The following TMEM63A variants were observed in gnomAD, a reference collection of about 807,000 sequenced individuals.
TMEM63A encodes the protein transmembrane protein 63A, also known as mechanosensitive cation channel TMEM63A.
Under a neutral mutation model 100.6 loss-of-function variants are expected in TMEM63A, and 76 were observed. The observed-to-expected ratio is 0.76, with a 90% CI of 0.63 to 0.91. The LOEUF is 0.91. TMEM63A is among the 40% of genes least tolerant of loss of function. TMEM63A has a pLI of 0.00. For synonymous variants in TMEM63A, 401 were observed against 401.1 expected (o/e 1.00, Z 0.00); for missense variants, 876 against 1,008.8 (o/e 0.87, Z 1.78).
chr1:225,857,395 G>GGGGT (rs1669692294), intron 15 of TMEM63A, among the ~76,000 whole-genome samples: 1 of 124,274 alleles, frequency 8.0e-6, no homozygotes, highest in African/African-American at 3.7e-5. Context: ...GGGGGGGGGG[G>GGGGT]GGTGCCCTGC....
rs1165107961 is a variant in TMEM63A at position 225,853,617 on chromosome 1, A to C, written c.1797+12T>G. On this transcript the variant is annotated intron_variant, in intron 19 of 24. Transcript: ENST00000366835. This position sits in a 1 kb window ranked among gnomAD's most constrained non-coding sequence, Gnocchi z 4.0. The stretch of plus-strand genomic sequence containing the variant: ...GAGTCAGAGGCACAGCCCTGGGCCC[A>C]GGGGATGGCACCTGCTTGACATTCC... The C allele has an allele frequency of 3.9e-6, 6 of 1,550,420 alleles. No homozygotes were observed. The South Asian group carries it at 7.2e-5, about 19-fold the overall frequency.
intron 15 of TMEM63A, among the ~76,000 whole-genome samples, chr1:225,858,325 T>TGG (rs1559039985): frequency 1.5e-5 from 2 of 131,804 alleles, no homozygotes; most frequent in Non-Finnish European, 3.2e-5. Context: ...TTTGTTTTTT[T>TGG]TTTTTTTTTT....
intron 14 of TMEM63A, chr1:225,860,167 A>T (rs1242719151): frequency 6.5e-6 from 1 of 152,800 alleles, no homozygotes; most frequent in African/African-American, 2.4e-5. Flanking sequence ...TCAGAGGCAG[A>T]ACTAGAACCG....
At chr1:225,847,669 ACTC>A (rs1213631745) in intron 23 of TMEM63A, among the ~76,000 whole-genome samples, 1 of 151,484 alleles carries the variant, frequency 6.6e-6, no homozygotes, top group Non-Finnish European at 1.5e-5. Flanking sequence ...GCCCTGCCAT[ACTC>A]CTCCTGAGAC....
rs1357526466 is a variant in TMEM63A, at chr1:225,853,159, T to C, written c.1798-390A>G. On this transcript the variant is annotated intron_variant, in intron 19 of 24. Coordinates refer to ENST00000366835, the MANE Select transcript of TMEM63A (RefSeq NM_014698.3). The surrounding 1 kb of genome is among the most constrained non-coding windows in gnomAD (Gnocchi z 4.0). Reference sequence around the variant, plus strand: ...GCCCAGCTCATAAGGGGGCTGAGAATGAAATGAAGGAATGCAGCACTTCTC... The same window carrying C: ...GCCCAGCTCATAAGGGGGCTGAGAACGAAATGAAGGAATGCAGCACTTCTC... 6.6e-6 allele frequency among the ~76,000 whole-genome samples: 1 copy of C among 152,072 alleles called. No homozygotes were observed. Among genetic ancestry groups the C allele is most frequent in the Non-Finnish European group, 1.5e-5 (1 of 68,008 alleles).
rs1670271850 is a variant in TMEM63A, at chr1:225,867,469, A to C, written c.515-306T>G. Among the ~76,000 whole-genome samples, 1 of 152,208 alleles carries C rather than the reference A, an allele frequency of 6.6e-6. No homozygotes were observed. The highest frequency in any genetic ancestry group is 1.5e-5 in the Non-Finnish European group (1 of 68,036). On this transcript the variant is annotated intron_variant, in intron 7 of 24. Coordinates refer to ENST00000366835, the MANE Select transcript of TMEM63A (RefSeq NM_014698.3). This position sits in a 1 kb window ranked among gnomAD's most constrained non-coding sequence, Gnocchi z 4.6. ...AACGTTGGGAACCACTGGGTATCCT[A>C]AGTGGATTCATGGTGGCATTTTGGA...
At chr1:225,875,715 G>A (rs1017664359) in intron 3 of TMEM63A, among the ~76,000 whole-genome samples, 9 of 151,934 alleles carry the variant, frequency 5.9e-5, no homozygotes, top group Admixed American at 2.0e-4. Flanking sequence ...GCTCTCCAGG[G>A]CCCTCTGGCT....
intron 3 of TMEM63A, among the ~76,000 whole-genome samples, chr1:225,876,236 C>T (rs1009503401): frequency 3.3e-5 from 5 of 151,912 alleles, no homozygotes; most frequent in Admixed American, 1.3e-4. Context: ...ACTCTCCCCA[C>T]CCTGAAGACC....
At position 225,882,328 on chromosome 1, in the gene TMEM63A, G is replaced by C. The variant is rs959061657; in HGVS notation, c.-230C>G. 2 of 152,608 alleles carry C rather than the reference G, an allele frequency of 1.3e-5. No individual in the cohort carries two copies. The highest frequency in any genetic ancestry group is 4.8e-5 in the African/African-American group (2 of 41,470). 9.5% of individuals were successfully genotyped at this position (152,608 alleles called of 1,614,324 possible). ...CCTGCGGCGGCGGCGTGTCTGGCGG[G>C]ACCCAGCAGCGCGGGGCGTGTTCCG... On this transcript the variant is annotated 5_prime_UTR_variant, in exon 1 of 25. Transcript: ENST00000366835.
At chr1:225,864,386 C>T (rs1670095510) in intron 10 of TMEM63A, 3 of 152,198 alleles carry the variant, frequency 2.0e-5, no homozygotes, top group Middle Eastern at 3.2e-3. Flanking sequence ...AGGAAGAAAA[C>T]TGCAATTTAA....
intron 3 of TMEM63A, among the ~76,000 whole-genome samples, chr1:225,875,806 G>A (rs1054857190): frequency 2.7e-5 from 4 of 150,136 alleles, no homozygotes; most frequent in Admixed American, 6.7e-5. Flanking sequence ...GCTCACTCCT[G>A]TAATCCCAGC....
intron 6 of TMEM63A, among the ~76,000 whole-genome samples, chr1:225,868,497 G>T (rs1269697784): frequency 6.6e-6 from 1 of 151,102 alleles, no homozygotes; most frequent in African/African-American, 2.4e-5. Flanking sequence ...CCAACACGGT[G>T]AAACTGTCTC....
intron 20 of TMEM63A, among the ~76,000 whole-genome samples, chr1:225,850,769 T>C (rs533552287): frequency 1.2e-4 from 19 of 152,284 alleles, no homozygotes; most frequent in Admixed American, 1.2e-3. Flanking sequence ...TGGAGTGCAG[T>C]GGTGCGATCT....
chr1:225,862,798 G>T lies in TMEM63A; in HGVS notation c.800C>A (p.Ala267Asp). The T allele has an allele frequency of 1.2e-6, 2 of 1,613,966 alleles. No individual in the cohort carries two copies. Among genetic ancestry groups the T allele is most frequent in the Non-Finnish European group, 1.7e-6 (2 of 1,179,994 alleles). ...VVDVQLCYNVAKLIYLCKEKK... is the reference protein window; with the variant it reads ...VVDVQLCYNVDKLIYLCKEKK... ...CTCCTTGCACAGGTAGATCAGTTTG[G>T]CCACGTTGTAGCACAGCTGCACATC... Residue 267 changes from alanine to aspartate, a missense_variant, in exon 11 of 25, where the codon GCC (alanine) becomes GAC (aspartate). Physicochemically the swap from Ala to Asp is moderately radical, Grantham distance 126. This residue lies in a region of TMEM63A where 487 missense variants were observed against 581.9 expected (regional missense o/e 0.84). Coordinates refer to ENST00000366835, the MANE Select transcript of TMEM63A (RefSeq NM_014698.3). This position sits in a 1 kb window ranked among gnomAD's most constrained non-coding sequence, Gnocchi z 5.1.
intron 9 of TMEM63A, 62 bp downstream of exon 9, chr1:225,866,512 T>G: frequency 6.7e-7 from 1 of 1,492,014 alleles, no homozygotes; most frequent in South Asian, 1.2e-5. Flanking sequence ...TGGGAGGCCC[T>G]TCCACTCCGA....
At chr1:225,873,042 C>G (rs977430137) in intron 4 of TMEM63A, among the ~76,000 whole-genome samples, 2 of 152,114 alleles carry the variant, frequency 1.3e-5, no homozygotes, top group Non-Finnish European at 2.9e-5. Context: ...TGCCCCCCTA[C>G]TAAAGACAAA....
At position 225,862,425 on chromosome 1, in the gene TMEM63A, C is replaced by A; in HGVS notation, c.951+30G>T. 1 of 1,613,940 alleles carries A rather than the reference C, an allele frequency of 6.2e-7. No individual in the cohort carries two copies. The highest frequency in any genetic ancestry group is 8.5e-7 in the Non-Finnish European group (1 of 1,179,816). ...CTGGGGCACCCCGATGCCAATGCCT[C>A]TGCTCCCAGCCGGGGGGTGGGACCC... is the stretch of plus-strand genomic sequence containing the variant. On this transcript the variant is annotated intron_variant, in intron 12 of 24. Coordinates refer to ENST00000366835, the MANE Select transcript of TMEM63A (RefSeq NM_014698.3). The surrounding 1 kb of genome is among the most constrained non-coding windows in gnomAD (Gnocchi z 5.1).
In TMEM63A at chr1:225,867,904, G is replaced by A. The variant is rs116512693; in HGVS notation, c.498C>T (p.Leu166=). ...LSLCVILPVN[L]SGDLLDKDPY... is the part of the protein sequence containing the mutation. ...GGTCATTACCCAGCAAGTCCCCTGA[G>A]AGGTTGACAGGCAGGATGACACACA... Residue 166 remains leucine, a synonymous_variant, in exon 7 of 25, where the codon CTC becomes CTT. Coordinates refer to ENST00000366835, the MANE Select transcript of TMEM63A (RefSeq NM_014698.3). The surrounding 1 kb of genome is among the most constrained non-coding windows in gnomAD (Gnocchi z 4.6). The A allele has an allele frequency of 4.9e-5, 79 of 1,614,172 alleles. No homozygotes were observed. The African/African-American group carries it at 9.9e-4, about 20-fold the overall frequency.
chr1:225,854,632 G>A (rs1011684837), intron 18 of TMEM63A, among the ~76,000 whole-genome samples: 1 of 152,194 alleles, frequency 6.6e-6, no homozygotes, highest in Non-Finnish European at 1.5e-5. Context: ...GGTAACATCC[G>A]TGGTACCCAG....
Sources: gnomAD v4.1 joint callset for allele counts (sites outside exome capture counted in the v4.1 genomes callset) on GRCh38, gnomAD v4.1.1 for gene constraint, gnomAD v4.1.1 regional missense constraint, Gnocchi (gnomAD v3.1) non-coding constraint, MANE v1.5 for transcripts, NCBI Gene and HGNC (gene_info 2026-07-23, HGNC 2026-07-21) for gene names.